DRD2: variants seen among roughly 807,000 people sequenced by gnomAD.
The protein encoded by DRD2 is dopamine receptor D2, also known as D(2) dopamine receptor.
A neutral mutation model predicts 38.0 loss-of-function variants in DRD2; 8 were observed. That is an observed-to-expected ratio of 0.21 (90% CI 0.12 to 0.38). The LOEUF (loss-of-function observed/expected upper bound fraction) is 0.38. Ranked by LOEUF, DRD2 falls within the 10% of genes least tolerant of loss-of-function variation. The pLI is 1.00. For missense variants in DRD2, 403 were observed against 607.7 expected (o/e 0.66, Z 3.54); for synonymous variants, 230 against 238.6 (o/e 0.96, Z 0.33).
chr11:113,475,124 G>A lies in DRD2; in HGVS notation c.-80C>T, dbSNP rs1158102937. ...GGCAGAGACGGCGCCGGCTGCTTGA[G>A]GCTTCCAGCTCCCGCCGCATCCACG... On this transcript the variant is annotated 5_prime_UTR_variant, in exon 1 of 8. Transcript: ENST00000362072. 1.3e-5 allele frequency: 2 copies of A among 151,500 alleles called. No homozygotes were observed. Among genetic ancestry groups the A allele is most frequent in the African/African-American group, 2.4e-5 (1 of 41,398 alleles). 9.4% of individuals were successfully genotyped at this position (151,500 alleles called of 1,614,324 possible).
At chr11:113,455,751 G>A (rs1458416758) in intron 1 of DRD2, among the ~76,000 whole-genome samples, 1 of 152,168 alleles carries the variant, frequency 6.6e-6, no homozygotes, top group African/African-American at 2.4e-5. Flanking sequence ...ACCTCATGCT[G>A]GATAGAATGG....
chr11:113,427,878 C>T lies in DRD2; in HGVS notation c.-31-3196G>A, dbSNP rs141490076. Among the ~76,000 whole-genome samples the T allele has an allele frequency of 4.1e-3, 621 of 152,202 alleles. 3 individuals carry two copies. The highest frequency in any genetic ancestry group is 0.014 in the African/African-American group (600 of 41,528). ...AAGAGTTGATTATGTTAAAATGAGA[C>T]GCTTAGGGTGGGCCCTAACCCAATC... On this transcript the variant is annotated intron_variant, in intron 1 of 7. Transcript: ENST00000362072.
At chr11:113,431,055 C>T (rs1950982010) in intron 1 of DRD2, among the ~76,000 whole-genome samples, 1 of 152,142 alleles carries the variant, frequency 6.6e-6, no homozygotes, top group South Asian at 2.1e-4. Flanking sequence ...CACCACCCTC[C>T]AAATGTCATC....
chr11:113,424,717 G>A (rs975330052), intron 1 of DRD2, 35 bp from the exon 2 acceptor site: 2 of 1,606,732 alleles, frequency 1.2e-6, no homozygotes, highest in Non-Finnish European at 1.7e-6. Context: ...GTGTCAGTGA[G>A]AGGGCCTCTT....
chr11:113,412,402 A>T (rs1167253689), intron 7 of DRD2, among the ~76,000 whole-genome samples, 154 bp downstream of exon 7: 1 of 152,220 alleles, frequency 6.6e-6, no homozygotes, highest in Non-Finnish European at 1.5e-5. Context: ...CAATTACAGA[A>T]TCTACCTAAT....
At chr11:113,411,068 A>G in intron 7 of DRD2, 148 bp from the exon 8 acceptor site, 1 of 792,752 alleles carries the variant, frequency 1.3e-6, no homozygotes. Context: ...CTTGGATCCT[A>G]GACCTGCCTC....
chr11:113,417,421 A>C (rs925128277), intron 3 of DRD2, among the ~76,000 whole-genome samples: 2 of 152,146 alleles, frequency 1.3e-5, no homozygotes, highest in African/African-American at 4.8e-5. Context: ...AGGAAATAAC[A>C]ATGGCAATTG....
At chr11:113,458,810 T>C (rs1184692779) in intron 1 of DRD2, among the ~76,000 whole-genome samples, 1 of 152,200 alleles carries the variant, frequency 6.6e-6, no homozygotes, top group Non-Finnish European at 1.5e-5. Context: ...TATTTGTACA[T>C]CCTCTTTACA....
chr11:113,436,268 A>G (rs1481995261), intron 1 of DRD2, among the ~76,000 whole-genome samples: 1 of 152,236 alleles, frequency 6.6e-6, no homozygotes, highest in Non-Finnish European at 1.5e-5. Context: ...TCCAGATTGC[A>G]GAAAATACAA....
intron 1 of DRD2, among the ~76,000 whole-genome samples, chr11:113,444,883 G>C: frequency 6.6e-6 from 1 of 152,126 alleles, no homozygotes; most frequent in East Asian, 1.9e-4. Flanking sequence ...TTGCAGAGAG[G>C]GTAACGTGGC....
At chr11:113,443,561 G>A (rs1486990111) in intron 1 of DRD2, among the ~76,000 whole-genome samples, 1 of 152,214 alleles carries the variant, frequency 6.6e-6, no homozygotes, top group Non-Finnish European at 1.5e-5. Flanking sequence ...GCTGACGGAT[G>A]TGCACCGCAC....
intron 1 of DRD2, among the ~76,000 whole-genome samples, chr11:113,428,875 C>T (rs1348223273): frequency 2.0e-5 from 3 of 152,194 alleles, no homozygotes; most frequent in Non-Finnish European, 4.4e-5. Context: ...GATACTCCTG[C>T]CTTGGCCTCC....
intron 1 of DRD2, among the ~76,000 whole-genome samples, chr11:113,441,280 A>G (rs1425513081): frequency 6.6e-6 from 1 of 152,208 alleles, no homozygotes; most frequent in Admixed American, 6.5e-5. Flanking sequence ...GCAGCCTGCT[A>G]AAACCTTTTT....
intron 1 of DRD2, among the ~76,000 whole-genome samples, chr11:113,462,192 T>A (rs58678513): frequency 0.013 from 2,047 of 152,170 alleles, 50 homozygotes; most frequent in African/African-American, 0.047. Flanking sequence ...AGGAAAACAG[T>A]CCTACTCTGG....
chr11:113,424,490 C>G lies in DRD2; in HGVS notation c.162G>C (p.Leu54=). Reference sequence around the variant, plus strand: ...TCTCGCGGGACACAGCCATGCACACCAGCACGTTGCCGAAGACGATGACAG... The same window carrying G: ...TCTCGCGGGACACAGCCATGCACACGAGCACGTTGCCGAAGACGATGACAG... ...LIAVIVFGNV[L]VCMAVSREKA... is the part of the protein sequence containing the mutation. Residue 54 remains leucine, a synonymous_variant, in exon 2 of 8, where the codon CTG becomes CTC. Coordinates refer to ENST00000362072, the MANE Select transcript of DRD2 (RefSeq NM_000795.4). 6.2e-7 allele frequency: 1 copy of G among 1,614,232 alleles called. No individual in the cohort carries two copies. Among genetic ancestry groups the G allele is most frequent in the Non-Finnish European group, 8.5e-7 (1 of 1,180,054 alleles).
chr11:113,428,808 T>C (rs1315260140), intron 1 of DRD2, among the ~76,000 whole-genome samples: 1 of 152,084 alleles, frequency 6.6e-6, no homozygotes, highest in African/African-American at 2.4e-5. Context: ...AAATGTTTTG[T>C]AGAGATGGGG....
In DRD2 at chr11:113,469,950, C is replaced by G. The variant is rs146374078; in HGVS notation, c.-32+5126G>C. ...AGGATTGGGAGTTTAAATGAAGAAC[C>G]TATGTCAAGTGCTGAGCACAGCGCC... On this transcript the variant is annotated intron_variant, in intron 1 of 7. Coordinates refer to ENST00000362072, the MANE Select transcript of DRD2 (RefSeq NM_000795.4). Among the ~76,000 whole-genome samples the G allele has an allele frequency of 4.4e-3, 666 of 152,264 alleles. 3 individuals carry two copies. Among genetic ancestry groups the G allele is most frequent in the African/African-American group, 0.015 (609 of 41,554 alleles).
At chr11:113,413,419 T>C in intron 6 of DRD2, 1 of 511,188 alleles carries the variant, frequency 2.0e-6, no homozygotes, top group Non-Finnish European at 3.9e-6. Flanking sequence ...GGGCCCCACA[T>C]CTTCCCTGCT....
chr11:113,446,309 C>T (rs1951148331), intron 1 of DRD2, among the ~76,000 whole-genome samples: 2 of 152,294 alleles, frequency 1.3e-5, no homozygotes, highest in South Asian at 2.1e-4. Context: ...TTTCTACCCC[C>T]GGCGCTGAGT....
Sources: gnomAD v4.1 joint callset for allele counts (sites outside exome capture counted in the v4.1 genomes callset) on GRCh38, gnomAD v4.1.1 for gene constraint, MANE v1.5 for transcripts, NCBI Gene and HGNC (gene_info 2026-07-23, HGNC 2026-07-21) for gene names.